Variants in HESX1 observed in about 807,000 individuals in gnomAD.
The protein encoded by HESX1 is HESX homeobox 1.
A neutral mutation model predicts 22.5 loss-of-function variants in HESX1; 11 were observed. That is an observed-to-expected ratio of 0.49 (90% CI 0.31 to 0.81). The LOEUF is 0.81. Among genes scored for constraint, HESX1 ranks in the 30% least tolerant of loss-of-function variants. HESX1 has a pLI of 0.05. For synonymous variants in HESX1, 74 were observed against 76.5 expected (o/e 0.97, Z 0.17); for missense variants, 201 against 212.6 (o/e 0.95, Z 0.34).
At chr3:57,211,091 G>A (rs1400689989) in intron 1 of HESX1, among the ~76,000 whole-genome samples, 2 of 151,910 alleles carry the variant, frequency 1.3e-5, no homozygotes, top group African/African-American at 2.4e-5. Context: ...GGTGGCACAT[G>A]CCTGTAATCC....
chr3:57,215,158 A>T (rs2060576302), intron 1 of HESX1, among the ~76,000 whole-genome samples: 1 of 152,180 alleles, frequency 6.6e-6, no homozygotes, highest in Non-Finnish European at 1.5e-5. Flanking sequence ...AAGTGAGTTC[A>T]TTTTAGTACT....
At chr3:57,209,496 C>A (rs1010666857) in intron 1 of HESX1, among the ~76,000 whole-genome samples, 8 of 151,692 alleles carry the variant, frequency 5.3e-5, no homozygotes, top group African/African-American at 1.9e-4. Context: ...AAAAAATTAG[C>A]TGGGTGTGGT....
intron 1 of HESX1, among the ~76,000 whole-genome samples, chr3:57,213,872 G>A (rs950357166): frequency 5.9e-5 from 9 of 152,214 alleles, no homozygotes; most frequent in African/African-American, 2.2e-4. Flanking sequence ...AGTGAGCCGA[G>A]ATCGTGCCAC....
chr3:57,206,745 TA>T (rs2060521534), intron 1 of HESX1, among the ~76,000 whole-genome samples: 1 of 152,168 alleles, frequency 6.6e-6, no homozygotes, highest in Non-Finnish European at 1.5e-5. Context: ...AAAGGCAAAC[TA>T]AACCCTCTCT....
chr3:57,209,505 G>A (rs1262572186), intron 1 of HESX1, among the ~76,000 whole-genome samples: 1 of 151,818 alleles, frequency 6.6e-6, no homozygotes, highest in East Asian at 1.9e-4. Flanking sequence ...GCTGGGTGTG[G>A]TGGGGCTTGT....
chr3:57,198,210 T>C lies in HESX1; in HGVS notation c.545A>G (p.Asn182Ser). 2 of 1,601,280 alleles carry C rather than the reference T, an allele frequency of 1.2e-6. No homozygotes were observed. Among genetic ancestry groups the C allele is most frequent in the South Asian group, 1.1e-5 (1 of 90,706 alleles). ...TTAGTTTTCTATCTATTCCAGCAGATTTGTGTTGAAATTTTTTTTCGCCAT... is the reference window on the plus strand; with the variant it reads ...TTAGTTTTCTATCTATTCCAGCAGACTTGTGTTGAAATTTTTTTTCGCCAT... ...FLMAKKNFNTNLLE is the reference protein window; with the variant it reads ...FLMAKKNFNTSLLE Residue 182 changes from asparagine (N) to serine (S), a missense_variant, in exon 4 of 4, where the codon AAT becomes AGT. Physicochemically the swap from Asn to Ser is conservative, Grantham distance 46. Transcript: ENST00000295934.
chr3:57,214,820 G>A (rs1309052418), intron 1 of HESX1, among the ~76,000 whole-genome samples: 1 of 152,078 alleles, frequency 6.6e-6, no homozygotes, highest in East Asian at 1.9e-4. Context: ...GAGGGGAGGA[G>A]GAGAAAGTTA....
rs1395820026 is a variant in HESX1 at position 57,197,964 on chromosome 3, A to T, written c.*233T>A. On this transcript the variant is annotated 3_prime_UTR_variant, in exon 4 of 4. Transcript: ENST00000295934. ...TAGATTAATTTGGCTTACTTAAAAA[A>T]TAGCAATCTTTTCTGAAAATGTTTA... The T allele has an allele frequency of 3.1e-5, 11 of 353,036 alleles. 1 individual carries two copies. Among genetic ancestry groups the T allele is most frequent in the Non-Finnish European group, 5.1e-6 (1 of 197,332 alleles). 21.9% of individuals were successfully genotyped at this position (353,036 alleles called of 1,614,324 possible).
At chr3:57,201,631 G>C (rs2060486953), upstream of HESX1, among the ~76,000 whole-genome samples, 1 of 150,006 alleles carries the variant, frequency 6.7e-6, no homozygotes, top group Non-Finnish European at 1.5e-5. Flanking sequence ...ATGAGAAAAG[G>C]AAACAGGTGA....
At chr3:57,208,047 C>T (rs748708076) in intron 1 of HESX1, among the ~76,000 whole-genome samples, 2 of 152,084 alleles carry the variant, frequency 1.3e-5, no homozygotes, top group Non-Finnish European at 2.9e-5. Flanking sequence ...ATTCCCTCAG[C>T]CCATTTTTCT....
intron 1 of HESX1, among the ~76,000 whole-genome samples, chr3:57,225,316 G>A (rs897873999): frequency 6.6e-6 from 1 of 152,232 alleles, no homozygotes; most frequent in Admixed American, 6.5e-5. Context: ...CCAACTGAAT[G>A]TGAACCTGTT....
At chr3:57,225,833 T>C (rs1273480738) in intron 1 of HESX1, among the ~76,000 whole-genome samples, 1 of 152,110 alleles carries the variant, frequency 6.6e-6, no homozygotes, top group African/African-American at 2.4e-5. Context: ...ATCGGAATTA[T>C]TTGGTTTGGC....
intron 1 of HESX1, chr3:57,226,200 A>G (rs1158323868): frequency 6.6e-6 from 1 of 150,734 alleles, no homozygotes; most frequent in Non-Finnish European, 1.5e-5. Context: ...TTTCTTATAC[A>G]TTGTTTACAC....
chr3:57,207,011 G>A (rs578008181), intron 1 of HESX1, among the ~76,000 whole-genome samples: 4 of 151,878 alleles, frequency 2.6e-5, no homozygotes, highest in Non-Finnish European at 5.9e-5. Context: ...GCAGTGGCAC[G>A]ATCTTGGCTC....
chr3:57,203,597 C>G (rs1024604403), upstream of HESX1, among the ~76,000 whole-genome samples: 6 of 152,112 alleles, frequency 3.9e-5, no homozygotes, highest in African/African-American at 1.4e-4. Flanking sequence ...CTCTGTCACC[C>G]AAGCTGGAGT....
intron 1 of HESX1, among the ~76,000 whole-genome samples, chr3:57,216,597 A>G (rs1334821261): frequency 2.0e-5 from 3 of 152,196 alleles, no homozygotes; most frequent in Non-Finnish European, 2.9e-5. Context: ...GGTGAGAGTG[A>G]GACTCTGTCT....
At chr3:57,206,046 C>T (rs2107572966) in intron 1 of HESX1, among the ~76,000 whole-genome samples, 1 of 152,216 alleles carries the variant, frequency 6.6e-6, no homozygotes, top group Admixed American at 6.5e-5. Flanking sequence ...GGAAAATTAG[C>T]TGGGTGTGGT....
chr3:57,213,754 A>C (rs1264591199), intron 1 of HESX1, among the ~76,000 whole-genome samples: 1 of 152,258 alleles, frequency 6.6e-6, no homozygotes, highest in Non-Finnish European at 1.5e-5. Context: ...GTGAAACACT[A>C]TCTCTACTAA....
chr3:57,205,649 C>T lies in HESX1; in HGVS notation c.-110-5621G>A, dbSNP rs973826033. On this transcript the variant is annotated intron_variant, in intron 1 of 2. Transcript: ENST00000495160. ...TGTAATGTTCCTCCCCTGTGAATCC[C>T]CACAGCTTACCCATTTATCTCTTTC... is the stretch of plus-strand genomic sequence containing the variant. 5.9e-5 allele frequency among the ~76,000 whole-genome samples: 9 copies of T among 152,122 alleles called. 1 individual carries two copies. Among genetic ancestry groups the T allele is most frequent in the African/African-American group, 2.2e-4 (9 of 41,422 alleles).
Sources: allele counts gnomAD v4.1 joint callset (sites outside exome capture counted in the v4.1 genomes callset), GRCh38; gene constraint gnomAD v4.1.1; transcripts MANE v1.5; gene names NCBI Gene and HGNC (gene_info 2026-07-23, HGNC 2026-07-21).